Variants in MARCHF4 observed in about 807,000 individuals in gnomAD.
MARCHF4 encodes the protein membrane associated ring-CH-type finger 4.
A neutral mutation model predicts 43.9 loss-of-function variants in MARCHF4; 14 were observed. The observed-to-expected ratio is 0.32, with a 90% confidence interval of 0.21 to 0.50. The LOEUF (loss-of-function observed/expected upper bound fraction) is 0.50, where lower values mean the gene tolerates loss of function less well. Ranked by LOEUF, MARCHF4 falls within the 20% of genes least tolerant of loss-of-function variation. The pLI is 0.98. For synonymous variants in MARCHF4, 226 were observed against 213.3 expected (o/e 1.06, Z -0.52); for missense variants, 468 against 536.7 (o/e 0.87, Z 1.27).
In MARCHF4 at chr2:216,322,820, G is replaced by A. The variant is rs11884446; in HGVS notation, c.517-39091C>T. On this transcript the variant is annotated intron_variant, in intron 1 of 3. Transcript: ENST00000273067. ...CACCTGGGCGACAGAGCGAGACTCCGTCTCAAAAAAAAGAACCGGTCTCAA... is the reference window on the plus strand; with the variant it reads ...CACCTGGGCGACAGAGCGAGACTCCATCTCAAAAAAAAGAACCGGTCTCAA... 7.5e-3 allele frequency among the ~76,000 whole-genome samples: 1,141 copies of A among 152,192 alleles called. 11 individuals carry two copies. The highest frequency in any genetic ancestry group is 0.026 in the African/African-American group (1,070 of 41,522).
intron 1 of MARCHF4, among the ~76,000 whole-genome samples, chr2:216,330,628 C>A (rs1692069737): frequency 6.6e-6 from 1 of 152,074 alleles, no homozygotes; most frequent in Admixed American, 6.5e-5. Context: ...GTGGCAAAAA[C>A]CAAGTTCTAA....
intron 1 of MARCHF4, among the ~76,000 whole-genome samples, chr2:216,301,880 T>G (rs1374861746): frequency 2.0e-5 from 3 of 152,188 alleles, no homozygotes; most frequent in Non-Finnish European, 4.4e-5. Context: ...AATAATGAGA[T>G]GTAAAGAGCT....
At chr2:216,343,341 A>G (rs974666954) in intron 1 of MARCHF4, among the ~76,000 whole-genome samples, 1 of 152,210 alleles carries the variant, frequency 6.6e-6, no homozygotes, top group Non-Finnish European at 1.5e-5. Context: ...GCTTGCAGAC[A>G]GCTTCCCTCT....
rs748597184 is a variant in MARCHF4 at position 216,370,264 on chromosome 2, C to T, written c.-4G>A. Reference sequence around the variant, plus strand: ...GCCCACACAGGGGCATCAGCATGTGCCCCGTGGAAGTAGAGAGCCCAAGAG... The same window carrying T: ...GCCCACACAGGGGCATCAGCATGTGTCCCGTGGAAGTAGAGAGCCCAAGAG... On this transcript the variant is annotated 5_prime_UTR_variant, in exon 1 of 4. Transcript: ENST00000273067. The T allele has an allele frequency of 6.9e-6, 11 of 1,593,406 alleles. No individual in the cohort carries two copies. Among genetic ancestry groups the T allele is most frequent in the South Asian group, 5.6e-5 (5 of 89,004 alleles).
intron 1 of MARCHF4, among the ~76,000 whole-genome samples, chr2:216,297,298 A>G (rs1691412176): frequency 6.6e-6 from 1 of 152,252 alleles, no homozygotes; most frequent in Admixed American, 6.5e-5. Context: ...GCCTACCCCC[A>G]GTCCTGGCAG....
chr2:216,274,474 A>G (rs555290243), intron 3 of MARCHF4, among the ~76,000 whole-genome samples: 3 of 152,146 alleles, frequency 2.0e-5, no homozygotes, highest in Non-Finnish European at 2.9e-5. Flanking sequence ...TTTTTGCACC[A>G]AATTGTGCAG....
chr2:216,332,401 A>G (rs943892408), intron 1 of MARCHF4, among the ~76,000 whole-genome samples: 5 of 151,772 alleles, frequency 3.3e-5, no homozygotes, highest in South Asian at 4.2e-4. Context: ...AAAAAAAAAA[A>G]AAAGAAAGAA....
intron 1 of MARCHF4, among the ~76,000 whole-genome samples, chr2:216,315,628 G>A (rs897277689): frequency 2.4e-4 from 36 of 152,150 alleles, no homozygotes; most frequent in African/African-American, 7.7e-4. Flanking sequence ...GAGTAGAAAA[G>A]TGCAGCTTAC....
intron 1 of MARCHF4, among the ~76,000 whole-genome samples, chr2:216,360,620 G>C (rs1236888512): frequency 6.6e-6 from 1 of 152,148 alleles, no homozygotes; most frequent in Non-Finnish European, 1.5e-5. Context: ...ATGAATAGGT[G>C]GTGGGGCACA....
At chr2:216,303,907 C>A (rs1225614517) in intron 1 of MARCHF4, among the ~76,000 whole-genome samples, 1 of 152,152 alleles carries the variant, frequency 6.6e-6, no homozygotes, top group Non-Finnish European at 1.5e-5. Context: ...AGCAGGAGTT[C>A]TTTGTAAAGG....
chr2:216,301,472 T>C (rs1691492822), intron 1 of MARCHF4, among the ~76,000 whole-genome samples: 1 of 152,218 alleles, frequency 6.6e-6, no homozygotes, highest in South Asian at 2.1e-4. Flanking sequence ...AAATATAAGC[T>C]CAACTCCCCA....
At chr2:216,303,507 G>A (rs1691529362) in intron 1 of MARCHF4, 1 of 152,284 alleles carries the variant, frequency 6.6e-6, no homozygotes, top group African/African-American at 2.4e-5. Flanking sequence ...CTTTTTCCCT[G>A]ATGTCCAGGG....
intron 1 of MARCHF4, among the ~76,000 whole-genome samples, chr2:216,325,901 C>A (rs1402794078): frequency 6.8e-6 from 1 of 147,176 alleles, no homozygotes; most frequent in East Asian, 2.0e-4. Context: ...TAGGCATGGG[C>A]AAGGACTTCA....
intron 1 of MARCHF4, among the ~76,000 whole-genome samples, chr2:216,352,831 T>A (rs1692422272): frequency 6.6e-6 from 1 of 152,166 alleles, no homozygotes; most frequent in Non-Finnish European, 1.5e-5. Context: ...CCATACTATA[T>A]CTTAATTCCT....
At chr2:216,344,688 G>C (rs959168853) in intron 1 of MARCHF4, among the ~76,000 whole-genome samples, 1 of 152,052 alleles carries the variant, frequency 6.6e-6, no homozygotes, top group Non-Finnish European at 1.5e-5. Context: ...TGGAAAATAG[G>C]AGTAGGCATA....
At chr2:216,354,979 CTT>C in intron 1 of MARCHF4, among the ~76,000 whole-genome samples, 1 of 100,646 alleles carries the variant, frequency 9.9e-6, no homozygotes, top group South Asian at 3.0e-4. Flanking sequence ...TTCTTTCTTT[CTT>C]TCTTTTTTGA....
chr2:216,348,165 G>A (rs1286844763), intron 1 of MARCHF4, among the ~76,000 whole-genome samples: 1 of 151,322 alleles, frequency 6.6e-6, no homozygotes, highest in Non-Finnish European at 1.5e-5. Flanking sequence ...AGCCTCCCGA[G>A]TAGCTGGGAT....
chr2:216,307,885 A>G (rs1171693573), intron 1 of MARCHF4, among the ~76,000 whole-genome samples: 1 of 152,094 alleles, frequency 6.6e-6, no homozygotes, highest in Non-Finnish European at 1.5e-5. Context: ...ATCTCTACAG[A>G]AAAATTTAAA....
At chr2:216,328,690 T>G (rs1692035683) in intron 1 of MARCHF4, among the ~76,000 whole-genome samples, 1 of 152,210 alleles carries the variant, frequency 6.6e-6, no homozygotes, top group Non-Finnish European at 1.5e-5. Flanking sequence ...GAATATTGGT[T>G]GCAAAGAGCA....
Sources: allele counts gnomAD v4.1 joint callset (sites outside exome capture counted in the v4.1 genomes callset), GRCh38; gene constraint gnomAD v4.1.1; transcripts MANE v1.5; gene names NCBI Gene and HGNC (gene_info 2026-07-23, HGNC 2026-07-21).